P2RX4: variants seen among roughly 807,000 people sequenced by gnomAD.
P2RX4 encodes P2X purinoceptor 4.
In P2RX4, 37 loss-of-function variants were observed where a neutral mutation model predicts 48.0. That is an observed-to-expected ratio of 0.77 (90% CI 0.59 to 1.01). The LOEUF (loss-of-function observed/expected upper bound fraction) is 1.01, where lower values mean the gene tolerates loss of function less well. P2RX4 is among the 50% of genes least tolerant of loss of function. The pLI is 0.00. For synonymous variants in P2RX4, 200 were observed against 199.7 expected, an observed-to-expected ratio of 1.00 and a Z score of -0.01; for missense variants, 501 against 521.4, an observed-to-expected ratio of 0.96 and a Z score of 0.38.
intron 2 of P2RX4, among the ~76,000 whole-genome samples, 189 bp downstream of exon 2, chr12:121,217,470 G>T (rs1886306479): frequency 6.6e-6 from 1 of 152,204 alleles, no homozygotes; most frequent in Non-Finnish European, 1.5e-5. Context: ...TATCCAGGCA[G>T]CTGTGGTTCC....
intron 11 of P2RX4, 63 bp downstream of exon 11, chr12:121,233,155 G>C (rs1216553585): frequency 8.5e-7 from 1 of 1,181,154 alleles, no homozygotes. Context: ...GGAGCCCTGG[G>C]CGTGGGCCTG....
At chr12:121,222,042 T>C in intron 3 of P2RX4, 52 bp from the exon 4 acceptor site, 2 of 1,592,410 alleles carry the variant, frequency 1.3e-6, no homozygotes, top group Non-Finnish European at 1.7e-6. Flanking sequence ...CCTGTCCACC[T>C]GTGTGTGGGG....
chr12:121,228,405 T>TATAA, intron 5 of P2RX4, 128 bp from the exon 6 acceptor site: 1 of 225,794 alleles, frequency 4.4e-6, no homozygotes, highest in Non-Finnish European at 8.1e-6. Flanking sequence ...TATATATATA[T>TATAA]ACACACACAC....
intron 8 of P2RX4, among the ~76,000 whole-genome samples, chr12:121,231,320 A>AT (rs1887344394): frequency 6.6e-6 from 1 of 152,156 alleles, no homozygotes; most frequent in Admixed American, 6.6e-5. Context: ...CTGAGATGCA[A>AT]TTCACATGCC....
At chr12:121,214,133 C>CGGA (rs980820043) in intron 1 of P2RX4, 3 of 151,834 alleles carry the variant, frequency 2.0e-5, no homozygotes, top group African/African-American at 7.3e-5. Flanking sequence ...GCCTGGGAGG[C>CGGA]GGAGGTTGCA....
At chr12:121,223,643 C>T (rs1886791305) in intron 5 of P2RX4, among the ~76,000 whole-genome samples, 2 of 152,176 alleles carry the variant, frequency 1.3e-5, no homozygotes, top group South Asian at 2.1e-4. Flanking sequence ...AAATAACTGA[C>T]AGGAAACAGT....
In P2RX4 at chr12:121,231,080, C is replaced by T. The variant is rs558979060; in HGVS notation, c.885-1334C>T. ...TCAGCTCACTGCAGCCTTTGCCTCC[C>T]GGGTTCAAGACATTCTCCTGCCTCA... On this transcript the variant is annotated intron_variant, in intron 8 of 11. Coordinates refer to ENST00000337233, the MANE Select transcript of P2RX4 (RefSeq NM_002560.3). 7.9e-5 allele frequency among the ~76,000 whole-genome samples: 12 copies of T among 151,676 alleles called. No individual in the cohort carries two copies. In the East Asian group the frequency reaches 1.4e-3, roughly 17 times the overall value.
intron 5 of P2RX4, among the ~76,000 whole-genome samples, chr12:121,226,499 T>C (rs1005662599): frequency 4.6e-5 from 7 of 152,074 alleles, no homozygotes; most frequent in African/African-American, 1.7e-4. Context: ...GCCAAGATCA[T>C]GCCACTGCGC....
intron 5 of P2RX4, among the ~76,000 whole-genome samples, chr12:121,226,761 C>T (rs539600497): frequency 6.6e-6 from 1 of 152,028 alleles, no homozygotes; most frequent in Non-Finnish European, 1.5e-5. Flanking sequence ...CAGGAAATGA[C>T]AAAAACTTGA....
chr12:121,220,551 G>A (rs551042734), intron 2 of P2RX4, among the ~76,000 whole-genome samples: 3 of 152,164 alleles, frequency 2.0e-5, no homozygotes, highest in Admixed American at 6.5e-5. Flanking sequence ...CTGGAGAATC[G>A]CTTGAACCCA....
chr12:121,228,970 T>C lies in P2RX4; in HGVS notation c.755T>C (p.Ile252Thr), dbSNP rs1887173870. 6.2e-7 allele frequency: 1 copy of C among 1,613,854 alleles called. No individual in the cohort carries two copies. Among genetic ancestry groups the C allele is most frequent in the South Asian group, 1.1e-5 (1 of 91,088 alleles). Residue 252 changes from isoleucine to threonine, a missense_variant, in exon 8 of 12, where the codon ATC becomes ACC. Around this residue, in one of 3 missense-constraint regions of P2RX4, gnomAD observed 197 missense variants for 219.5 expected, o/e 0.90. Transcript: ENST00000337233. ...TCTGCTGCTCATCCCCAGGGAGGCATCATGGGCATCCAGGTCAACTGGGAC... is the reference window on the plus strand; with the variant it reads ...TCTGCTGCTCATCCCCAGGGAGGCACCATGGGCATCCAGGTCAACTGGGAC... ...SFQDMAVEGG[I>T]MGIQVNWDCN...
rs1364901091 is a variant in P2RX4, at chr12:121,228,756, TAC to T, written c.638_639del (p.Tyr213SerfsTer7). Reference sequence around the variant, plus strand: ...TATCCTTCCCAACATCACCACTACTTACCTCAAGTCGTGCATTTATGATGCTA... The same window carrying T: ...TATCCTTCCCAACATCACCACTACTTCTCAAGTCGTGCATTTATGATGCTA... ...RNILPNITTT[Y>X]LKSCIYDAKT... On this transcript the variant is annotated frameshift_variant, in exon 7 of 12. Transcript: ENST00000337233. LOFTEE classifies it high-confidence loss of function. 5.6e-6 allele frequency: 9 copies of T among 1,614,030 alleles called. No homozygotes were observed. Among genetic ancestry groups the T allele is most frequent in the Non-Finnish European group, 7.6e-6 (9 of 1,180,038 alleles).
In P2RX4 at chr12:121,224,479, G is replaced by T. The variant is rs376249898; in HGVS notation, c.524+1436G>T. ...ATTAGGGTTAGGGTGGCGCTTGTCT[G>T]TAATCCCAGCTACTTGGGAGGCTGA... On this transcript the variant is annotated intron_variant, in intron 5 of 11. Transcript: ENST00000337233. 1.2e-4 allele frequency among the ~76,000 whole-genome samples: 19 copies of T among 152,146 alleles called. No homozygotes were observed. The East Asian group carries it at 2.9e-3, about 23-fold the overall frequency.
At chr12:121,212,820 A>ATTTTTTTTTTTTTTTT (rs1268523637) in intron 1 of P2RX4, 1 of 42,760 alleles carries the variant, frequency 2.3e-5, no homozygotes, top group African/African-American at 1.2e-4. Context: ...ATATATATAT[A>ATTTTTTTTTTTTTTTT]TATATTTTTT....
intron 5 of P2RX4, among the ~76,000 whole-genome samples, chr12:121,227,189 G>T (rs536198367): frequency 6.6e-6 from 1 of 151,698 alleles, no homozygotes; most frequent in African/African-American, 2.4e-5. Context: ...GCTCTCCTCC[G>T]AGTGCAGCCC....
At position 121,233,503 on chromosome 12, in the gene P2RX4, G is replaced by T; in HGVS notation, c.1141-20G>T. 6.2e-7 allele frequency: 1 copy of T among 1,604,200 alleles called. No individual in the cohort carries two copies. Among genetic ancestry groups the T allele is most frequent in the African/African-American group, 1.3e-5 (1 of 74,892 alleles). Reference sequence around the variant, plus strand: ...AGGGGTCCCAGGGGCACCTTGATCTGCTTGTGTCCTTCTTTGCAGGGTCTT... The same window carrying T: ...AGGGGTCCCAGGGGCACCTTGATCTTCTTGTGTCCTTCTTTGCAGGGTCTT... On this transcript the variant is annotated intron_variant, in intron 11 of 11. Coordinates refer to ENST00000337233, the MANE Select transcript of P2RX4 (RefSeq NM_002560.3).
chr12:121,231,558 T>A (rs1019360276), intron 8 of P2RX4, among the ~76,000 whole-genome samples: 15 of 152,132 alleles, frequency 9.9e-5, no homozygotes, highest in African/African-American at 3.6e-4. Context: ...TGCGTCTGGC[T>A]CCTTCCCCTT....
intron 5 of P2RX4, among the ~76,000 whole-genome samples, chr12:121,226,157 C>A (rs1005849197): frequency 9.2e-5 from 14 of 152,090 alleles, no homozygotes; most frequent in African/African-American, 3.4e-4. Context: ...ACAGCGTGAG[C>A]CACCACACCT....
Position 121,232,885 on chromosome 12 carries a change from C to G in P2RX4, c.1045-112C>G. 2 of 899,576 alleles carry G rather than the reference C, an allele frequency of 2.2e-6. No homozygotes were observed. The highest frequency in any genetic ancestry group is 3.7e-6 in the Non-Finnish European group (2 of 536,204). 55.7% of individuals were successfully genotyped at this position (899,576 alleles called of 1,614,324 possible). ...AGCCTTCTCCCAAGAGATGGGAGTG[C>G]CTTTCCATTCCGGTAAAGATTCCAG... On this transcript the variant is annotated intron_variant, in intron 10 of 11. Coordinates refer to ENST00000337233, the MANE Select transcript of P2RX4 (RefSeq NM_002560.3). The surrounding 1 kb of genome is among the most constrained non-coding windows in gnomAD (Gnocchi z 4.3).
Sources: allele counts gnomAD v4.1 joint callset (sites outside exome capture counted in the v4.1 genomes callset), GRCh38; gene constraint gnomAD v4.1.1; regional missense constraint gnomAD v4.1.1; non-coding constraint Gnocchi (gnomAD v3.1); transcripts MANE v1.5; gene names NCBI Gene and HGNC (gene_info 2026-07-23, HGNC 2026-07-21).